The following TBC1D10C variants were observed in gnomAD, a reference collection of about 807,000 sequenced individuals.
The protein encoded by TBC1D10C is carabin.
In TBC1D10C, 49 loss-of-function variants were observed where a neutral mutation model predicts 51.0. The observed-to-expected ratio is 0.96, with a 90% CI of 0.76 to 1.22. The LOEUF (loss-of-function observed/expected upper bound fraction) is 1.22. TBC1D10C is among the 50% of genes most tolerant of loss of function. The probability of loss-of-function intolerance (pLI) is 0.00; values close to 1 mark genes in which losing one functional copy is unlikely to be tolerated. For synonymous variants in TBC1D10C, 281 were observed against 266.7 expected (o/e 1.05, Z -0.52); for missense variants, 541 against 617.5 (o/e 0.88, Z 1.31).
In TBC1D10C at chr11:67,409,934, AG is replaced by A. The variant is rs1863385227; in HGVS notation, c.*182del. The stretch of plus-strand genomic sequence containing the variant: ...CATACTGGGTCAGGCACTAGCATGG[AG>A]GAGGGTCACAGAGTGGGGCACGTGA... On this transcript the variant is annotated 3_prime_UTR_variant, in exon 9 of 9. Transcript: ENST00000542590. 2 of 607,780 alleles carry A rather than the reference AG, an allele frequency of 3.3e-6. No individual in the cohort carries two copies. Among genetic ancestry groups the A allele is most frequent in the African/African-American group, 3.8e-5 (2 of 52,672 alleles). The allele number at this position is 607,780 out of a possible 1,614,324, so 37.6% of individuals were successfully genotyped here.
chr11:67,406,828 A>T lies in TBC1D10C; in HGVS notation c.650A>T (p.Glu217Val), dbSNP rs1397750911. 3 of 1,608,258 alleles carry T rather than the reference A, an allele frequency of 1.9e-6. No homozygotes were observed. The Admixed American group carries it at 5.0e-5, about 27-fold the overall frequency. ...YLPGYYGPHM[E>V]AVRLDAEVFM... ...GCCTGCTGATGGACGTGGCCACAGG[A>T]GGCTGTGCGGCTGGACGCCGAGGTG... The change falls in exon 7 of 9, where the codon GAG becomes GTG. Residue 217 changes from glutamate to valine, a missense_variant and splice_region_variant. Coordinates refer to ENST00000542590, the MANE Select transcript of TBC1D10C (RefSeq NM_001369496.1).
intron 8 of TBC1D10C, 111 bp from the exon 9 acceptor site, chr11:67,409,296 C>A: frequency 1.4e-6 from 2 of 1,390,498 alleles, no homozygotes; most frequent in Non-Finnish European, 1.9e-6. Context: ...TGTGGCTCCC[C>A]AGTGAGGCTG....
intron 7 of TBC1D10C, chr11:67,407,867 T>C (rs1863255862): frequency 6.6e-6 from 1 of 152,322 alleles, no homozygotes; most frequent in African/African-American, 2.4e-5. Context: ...ATGCCTGTCG[T>C]GTGCTCAGCC....
chr11:67,406,607 G>A lies in TBC1D10C; in HGVS notation c.583-20G>A. On this transcript the variant is annotated intron_variant, in intron 5 of 8. Coordinates refer to ENST00000542590, the MANE Select transcript of TBC1D10C (RefSeq NM_001369496.1). ...TTCCTTGGTGAGCACTTACAGGCCT[G>A]TGCCCTGCCCCTTCCCCAGGAGGCC... 1 of 1,557,336 alleles carries A rather than the reference G, an allele frequency of 6.4e-7. No homozygotes were observed. The highest frequency in any genetic ancestry group is 8.7e-7 in the Non-Finnish European group (1 of 1,149,146).
Position 67,404,185 on chromosome 11 carries a change from T to C in TBC1D10C, c.-18T>C. The C allele has an allele frequency of 1.3e-6, 2 of 1,496,444 alleles. No individual in the cohort carries two copies. The highest frequency in any genetic ancestry group is 1.4e-5 in the African/African-American group (1 of 69,742). 92.7% of individuals were successfully genotyped at this position (1,496,444 alleles called of 1,614,324 possible). On this transcript the variant is annotated 5_prime_UTR_variant, in exon 1 of 9. Coordinates refer to ENST00000542590, the MANE Select transcript of TBC1D10C (RefSeq NM_001369496.1). The stretch of plus-strand genomic sequence containing the variant: ...CTCCCCACTTTCTCTGCCTGTGGCA[T>C]CGAAGGCCCCGGGCACCATGGCCCA...
In TBC1D10C at chr11:67,404,194, C is replaced by A; in HGVS notation, c.-9C>A. On this transcript the variant is annotated 5_prime_UTR_variant, in exon 1 of 9. Coordinates refer to ENST00000542590, the MANE Select transcript of TBC1D10C (RefSeq NM_001369496.1). Reference sequence around the variant, plus strand: ...TTCTCTGCCTGTGGCATCGAAGGCCCCGGGCACCATGGCCCAGGCCCTGGG... The same window carrying A: ...TTCTCTGCCTGTGGCATCGAAGGCCACGGGCACCATGGCCCAGGCCCTGGG... 6.6e-7 allele frequency: 1 copy of A among 1,519,792 alleles called. No homozygotes were observed. The highest frequency in any genetic ancestry group is 2.4e-5 in the East Asian group (1 of 41,034). 94.1% of individuals were successfully genotyped at this position (1,519,792 alleles called of 1,614,324 possible).
At position 67,409,715 on chromosome 11, in the gene TBC1D10C, CCAA is replaced by C; in HGVS notation, c.1304_1306del (p.Gln435del). The C allele has an allele frequency of 1.1e-5, 17 of 1,591,670 alleles. No individual in the cohort carries two copies. Among genetic ancestry groups the C allele is most frequent in the Non-Finnish European group, 1.4e-5 (16 of 1,177,258 alleles). The stretch of plus-strand genomic sequence containing the variant: ...CCCCCATCGAGGGGCCCCCCAGGCC[CCAA>C]CGAGGCTCCACCTCCTTCCTGGACA... On this transcript the variant is annotated inframe_deletion, in exon 9 of 9. Coordinates refer to ENST00000542590, the MANE Select transcript of TBC1D10C (RefSeq NM_001369496.1).
Position 67,409,169 on chromosome 11 carries a change from C to T in TBC1D10C, c.993+36C>T, listed in dbSNP as rs779325360. 22 of 1,546,094 alleles carry T rather than the reference C, an allele frequency of 1.4e-5. No homozygotes were observed. In the South Asian group the frequency reaches 1.8e-4, roughly 13 times the overall value. ...CCACCTCTCCTTGGACTTGCCCAGC[C>T]CCTGCTGCACGGGGGAAACTGAGTC... is the stretch of plus-strand genomic sequence containing the variant. On this transcript the variant is annotated intron_variant, in intron 8 of 8. Transcript: ENST00000542590.
At position 67,405,455 on chromosome 11, in the gene TBC1D10C, CCT is replaced by C. The variant is rs762662472; in HGVS notation, c.310_311del (p.Leu104ValfsTer101). 9 of 1,613,348 alleles carry C rather than the reference CCT, an allele frequency of 5.6e-6. No individual in the cohort carries two copies. Among genetic ancestry groups the C allele is most frequent in the East Asian group, 4.5e-5 (2 of 44,868 alleles). ...PSALRARCWP[L>X]LCGAHVCQKN... The stretch of plus-strand genomic sequence containing the variant: ...CTGCCCTGCGCGCCCGATGCTGGCC[CCT>C]GTTGTGTGGGGCCCATGTGTGCCAG... On this transcript the variant is annotated frameshift_variant, in exon 3 of 9. Transcript: ENST00000542590. LOFTEE classifies it high-confidence loss of function.
chr11:67,406,441 G>C lies in TBC1D10C; in HGVS notation c.583-186G>C, dbSNP rs148428874. The C allele has an allele frequency of 2.0e-3, 1,219 of 612,480 alleles. 15 individuals are homozygous for C. The highest frequency in any genetic ancestry group is 0.018 in the African/African-American group (960 of 54,118). The allele number at this position is 612,480 out of a possible 1,614,324, so 37.9% of individuals were successfully genotyped here. ...CACCCTAAACCCCTCAGCAGACCCTGTCTTGGGCAGAGGAGGGGGCTTTTG... is the reference window on the plus strand; with the variant it reads ...CACCCTAAACCCCTCAGCAGACCCTCTCTTGGGCAGAGGAGGGGGCTTTTG... On this transcript the variant is annotated intron_variant, in intron 5 of 8. Coordinates refer to ENST00000542590, the MANE Select transcript of TBC1D10C (RefSeq NM_001369496.1).
intron 8 of TBC1D10C, 99 bp from the exon 9 acceptor site, chr11:67,409,308 C>A: frequency 7.1e-7 from 1 of 1,405,832 alleles, no homozygotes; most frequent in South Asian, 1.4e-5. Context: ...GTGAGGCTGT[C>A]AGCCCCTCAG....
intron 5 of TBC1D10C, 133 bp downstream of exon 5, chr11:67,406,150 A>T (rs1339646867): frequency 1.4e-6 from 1 of 725,300 alleles, no homozygotes; most frequent in Non-Finnish European, 2.2e-6. Flanking sequence ...GGTCCTCATG[A>T]CTGCCAGCCT....
Position 67,405,424 on chromosome 11 carries a change from T to A in TBC1D10C, c.278T>A (p.Ile93Asn). Residue 93 changes from isoleucine to asparagine, a missense_variant, in exon 3 of 9, where the codon ATC becomes AAC. Ile to Asn is a moderately radical substitution (Grantham distance 149). Transcript: ENST00000542590. ...GTAAAGATGCAGTGCCGGAAAGGCA[T>A]CCCGTCTGCCCTGCGCGCCCGATGC... ...KKVKMQCRKG[I>N]PSALRARCWP... 1 of 1,613,542 alleles carries A rather than the reference T, an allele frequency of 6.2e-7. No individual in the cohort carries two copies. Among genetic ancestry groups the A allele is most frequent in the Non-Finnish European group, 8.5e-7 (1 of 1,179,980 alleles).
chr11:67,408,634 G>A (rs1466935014), intron 7 of TBC1D10C: 2 of 232,252 alleles, frequency 8.6e-6, no homozygotes, highest in Non-Finnish European at 1.7e-5. Context: ...CTCCTCCCCG[G>A]AGCCCACAGG....
In TBC1D10C at chr11:67,406,665, C is replaced by T. The variant is rs1443869376; in HGVS notation, c.621C>T (p.Tyr207=). The T allele has an allele frequency of 3.0e-5, 47 of 1,577,610 alleles. No homozygotes were observed. The highest frequency in any genetic ancestry group is 3.9e-5 in the Non-Finnish European group (45 of 1,161,082). ...FWCLVQICEV[Y]LPGYYGPHME... Reference sequence around the variant, plus strand: ...GCCTGGTGCAGATCTGTGAGGTCTACCTCCCTGGGTACTACGGGCCCCACA... The same window carrying T: ...GCCTGGTGCAGATCTGTGAGGTCTATCTCCCTGGGTACTACGGGCCCCACA... The change falls in exon 6 of 9, where the codon TAC becomes TAT. Residue 207 remains tyrosine, a synonymous_variant. Transcript: ENST00000542590.
rs1389898142 is a variant in TBC1D10C, at chr11:67,407,004, T to G, written c.826T>G (p.Phe276Val). Residue 276 changes from phenylalanine (F) to valine (V), a missense_variant, in exon 7 of 9, where the codon TTC (phenylalanine) becomes GTC (valine). By Grantham distance (50) the Phe-to-Val change is conservative. Transcript: ENST00000542590. ...CACAGTGCTGCGTGTCTGGGATGCCTTCCTCAGTGAGGGTGAGTGGGGCAG... is the reference window on the plus strand; with the variant it reads ...CACAGTGCTGCGTGTCTGGGATGCCGTCCTCAGTGAGGGTGAGTGGGGCAG... ...FPTVLRVWDA[F>V]LSEGARVLFR... 1 of 1,611,572 alleles carries G rather than the reference T, an allele frequency of 6.2e-7. No homozygotes were observed. Among genetic ancestry groups the G allele is most frequent in the East Asian group, 2.2e-5 (1 of 44,870 alleles).
In TBC1D10C at chr11:67,404,218, G is replaced by A. The variant is rs771679989; in HGVS notation, c.16G>A (p.Gly6Arg). 7 of 1,566,568 alleles carry A rather than the reference G, an allele frequency of 4.5e-6. No individual in the cohort carries two copies. The East Asian group carries it at 1.4e-4, about 32-fold the overall frequency. MAQAL[G>R]EDLVQPPELQ... ...CCCGGGCACCATGGCCCAGGCCCTG[G>A]GGGAGGACCTGGTGCAGCCTCCCGA... The change falls in exon 1 of 9, where the codon GGG becomes AGG. Residue 6 changes from glycine to arginine, a missense_variant. Transcript: ENST00000542590.
At chr11:67,405,726 A>AC (rs768302557) in intron 4 of TBC1D10C, 25 bp downstream of exon 4, 23 of 1,611,540 alleles carry the variant, frequency 1.4e-5, no homozygotes, top group Non-Finnish European at 1.9e-5. Context: ...ATGCCCAGGG[A>AC]CCCCCAGCCC....
chr11:67,409,520 C>CG lies in TBC1D10C; in HGVS notation c.1111dup (p.Ala371GlyfsTer6), dbSNP rs1863356636. On this transcript the variant is annotated frameshift_variant, in exon 9 of 9. Transcript: ENST00000542590. LOFTEE classifies it high-confidence loss of function. ...CGCCCCGGCCACAGGTCCGCCTCGC[C>CG]GGGGCCCAAGCCATCTTTGAGGCCC... is the stretch of plus-strand genomic sequence containing the variant. The CG allele has an allele frequency of 6.5e-7, 1 of 1,548,380 alleles. No homozygotes were observed. Among genetic ancestry groups the CG allele is most frequent in the Non-Finnish European group, 8.7e-7 (1 of 1,146,330 alleles).
Sources: allele counts gnomAD v4.1 joint callset, GRCh38; gene constraint gnomAD v4.1.1; transcripts MANE v1.5; gene names NCBI Gene and HGNC (gene_info 2026-07-23, HGNC 2026-07-21).